ASAP1: variants seen among roughly 807,000 people sequenced by gnomAD.
ASAP1 encodes arf-GAP with SH3 domain, ANK repeat and PH domain-containing protein 1.
ASAP1 carries 43 observed loss-of-function variants against 145.2 expected under a neutral mutation model. That is an observed-to-expected ratio of 0.30 (90% CI 0.23 to 0.38). ASAP1 has a LOEUF of 0.38. Among genes scored for constraint, ASAP1 ranks in the 10% least tolerant of loss-of-function variants. The pLI is 1.00. For synonymous variants in ASAP1, 546 were observed against 515.5 expected (o/e 1.06, Z -0.80); for missense variants, 1,018 against 1,355.3 (o/e 0.75, Z 3.91).
At chr8:130,392,886 T>A (rs959105326) in intron 2 of ASAP1, among the ~76,000 whole-genome samples, 7 of 152,178 alleles carry the variant, frequency 4.6e-5, no homozygotes, top group Admixed American at 1.3e-4. Context: ...TCCGCCTCCA[T>A]GACCCAAACA....
At chr8:130,209,075 G>A (rs1278724876) in intron 5 of ASAP1, among the ~76,000 whole-genome samples, 2 of 152,076 alleles carry the variant, frequency 1.3e-5, no homozygotes, top group East Asian at 3.8e-4. Flanking sequence ...CCCTATAGTG[G>A]CTATTAATAC....
At chr8:130,385,549 C>T (rs912530868) in intron 2 of ASAP1, among the ~76,000 whole-genome samples, 2 of 152,196 alleles carry the variant, frequency 1.3e-5, no homozygotes, top group Admixed American at 6.5e-5. Flanking sequence ...TTTTCCGACC[C>T]GTTACATGGG....
chr8:130,399,248 G>A (rs1331327645), intron 2 of ASAP1, among the ~76,000 whole-genome samples: 1 of 152,202 alleles, frequency 6.6e-6, no homozygotes, highest in Non-Finnish European at 1.5e-5. Flanking sequence ...CTCACAGATT[G>A]CTGTAGAAAA....
chr8:130,313,538 T>A (rs1184054463), intron 3 of ASAP1, among the ~76,000 whole-genome samples: 1 of 152,220 alleles, frequency 6.6e-6, no homozygotes, highest in Non-Finnish European at 1.5e-5. Flanking sequence ...CTTGTGGGAT[T>A]CTCAAATTAC....
chr8:130,236,292 G>A (rs1362986543), intron 4 of ASAP1, among the ~76,000 whole-genome samples: 6 of 151,940 alleles, frequency 3.9e-5, no homozygotes, highest in Non-Finnish European at 5.9e-5. Context: ...TACAGTGCTG[G>A]AGCCTACCAT....
chr8:130,207,897 A>G (rs1419470743), intron 5 of ASAP1, among the ~76,000 whole-genome samples: 1 of 152,204 alleles, frequency 6.6e-6, no homozygotes, highest in Non-Finnish European at 1.5e-5. Context: ...TAGAAAACCT[A>G]TTAAAGTGCG....
chr8:130,072,824 T>TGTGCGCGCGCGCGCGC, intron 27 of ASAP1, among the ~76,000 whole-genome samples: 28 of 32,298 alleles, frequency 8.7e-4, no homozygotes, highest in Admixed American at 5.0e-3. Flanking sequence ...TGTGTGTGTG[T>TGTGCGCGCGCGCGCGC]GCGCGCGGGG....
At chr8:130,349,469 T>C (rs1825874879) in intron 3 of ASAP1, among the ~76,000 whole-genome samples, 1 of 152,194 alleles carries the variant, frequency 6.6e-6, no homozygotes, top group Admixed American at 6.5e-5. Flanking sequence ...CCAGGCACTG[T>C]TGTAAGCACT....
intron 13 of ASAP1, among the ~76,000 whole-genome samples, chr8:130,148,096 C>G (rs1332943999): frequency 1.3e-5 from 2 of 152,204 alleles, no homozygotes; most frequent in Non-Finnish European, 2.9e-5. Context: ...CCTTACAGCC[C>G]TCTCTACCCT....
intron 24 of ASAP1, among the ~76,000 whole-genome samples, chr8:130,092,938 T>TAAAAAA (rs35191776): frequency 7.3e-6 from 1 of 137,302 alleles, no homozygotes; most frequent in Non-Finnish European, 1.6e-5. Flanking sequence ...ACGCTTTTCT[T>TAAAAAA]AAAAAAAAAA....
At chr8:130,083,054 G>A (rs2097484859) in intron 25 of ASAP1, 1 of 152,154 alleles carries the variant, frequency 6.6e-6, no homozygotes, top group Non-Finnish European at 1.5e-5. Context: ...ATTAATGCAG[G>A]TTGCATGTGC....
At chr8:130,233,821 G>A (rs369426017) in intron 4 of ASAP1, among the ~76,000 whole-genome samples, 1 of 152,140 alleles carries the variant, frequency 6.6e-6, no homozygotes, top group African/African-American at 2.4e-5. Flanking sequence ...AATATAATAG[G>A]TGCTCAATAA....
chr8:130,280,097 G>A (rs1045890512), intron 3 of ASAP1, among the ~76,000 whole-genome samples: 8 of 152,162 alleles, frequency 5.3e-5, no homozygotes, highest in African/African-American at 1.7e-4. Context: ...CTATTTTGCT[G>A]ACAAGGAAAC....
chr8:130,262,419 AGAGAGAGAG>A lies in ASAP1; in HGVS notation c.187-25434_187-25426del, dbSNP rs1819980942. ...AAAAAAAAAAAAAAAAAAAAAAAAG[AGAGAGAGAG>A]AGAGAGAGAGAGAGAGAGAGAGAGA... is the stretch of plus-strand genomic sequence containing the variant. On this transcript the variant is annotated intron_variant, in intron 3 of 29. Coordinates refer to ENST00000518721, the MANE Select transcript of ASAP1 (RefSeq NM_018482.4). 5.1e-3 allele frequency among the ~76,000 whole-genome samples: 152 copies of A among 29,550 alleles called. 1 individual carries two copies. Among genetic ancestry groups the A allele is most frequent in the African/African-American group, 0.014 (125 of 8,644 alleles). 19.4% of individuals were successfully genotyped at this position (29,550 alleles called of 152,430 possible). A position where few individuals can be genotyped will look rare whatever the true frequency, so the allele number is the denominator to read the frequency against.
chr8:130,194,605 T>G (rs2136271594), intron 5 of ASAP1, among the ~76,000 whole-genome samples: 1 of 152,294 alleles, frequency 6.6e-6, no homozygotes, highest in South Asian at 2.1e-4. Flanking sequence ...AAGACAGTTT[T>G]TCTACAGATG....
At chr8:130,105,942 T>C (rs2097536230) in intron 24 of ASAP1, among the ~76,000 whole-genome samples, 1 of 152,198 alleles carries the variant, frequency 6.6e-6, no homozygotes, top group East Asian at 1.9e-4. Flanking sequence ...TCAAGAGACT[T>C]AGGGCTGATT....
intron 6 of ASAP1, among the ~76,000 whole-genome samples, chr8:130,187,521 TCTTCCCACCTCAG>T (rs1814820580): frequency 6.6e-6 from 1 of 151,740 alleles, no homozygotes; most frequent in Non-Finnish European, 1.5e-5. Context: ...GCTCAATTGA[TCTTCCCACCTCAG>T]CTTCCTGAGT....
At chr8:130,097,209 A>T (rs952711229) in intron 24 of ASAP1, among the ~76,000 whole-genome samples, 5 of 137,480 alleles carry the variant, frequency 3.6e-5, no homozygotes, top group Admixed American at 3.2e-4. Flanking sequence ...TGTTCTCACC[A>T]CCCTTCATTC....
chr8:130,309,592 A>G (rs1275735186), intron 3 of ASAP1, among the ~76,000 whole-genome samples: 2 of 152,222 alleles, frequency 1.3e-5, no homozygotes, highest in East Asian at 3.8e-4. Context: ...GCACCACCAC[A>G]TGCGGCTCTC....
Sources: allele counts gnomAD v4.1 joint callset (sites outside exome capture counted in the v4.1 genomes callset), GRCh38; gene constraint gnomAD v4.1.1; transcripts MANE v1.5; gene names NCBI Gene and HGNC (gene_info 2026-07-23, HGNC 2026-07-21).